MAGI3: variants seen among roughly 807,000 people sequenced by gnomAD.
MAGI3 encodes membrane-associated guanylate kinase, WW and PDZ domain-containing protein 3.
Under a neutral mutation model 121.8 loss-of-function variants are expected in MAGI3, and 43 were observed. The ratio of observed to expected loss-of-function variants is 0.35; its 90% CI spans 0.28 to 0.46. The LOEUF (loss-of-function observed/expected upper bound fraction) is 0.46. MAGI3 is among the 20% of genes least tolerant of loss of function. MAGI3 has a pLI of 1.00. For synonymous variants in MAGI3, 553 were observed against 639.3 expected (o/e 0.86, Z 2.04); for missense variants, 1,547 against 1,797.3 (o/e 0.86, Z 2.52).
Position 113,622,811 on chromosome 1 carries a change from G to GA in MAGI3, c.1182dup (p.Ser395IlefsTer11), listed in dbSNP as rs1339418260. ...CACTTCTCATTTTGGCACAGATATG[G>GA]AAAAATCACACTTCACAAGAGATCC... On this transcript the variant is annotated frameshift_variant, in exon 9 of 21. Transcript: ENST00000307546. LOFTEE classifies it high-confidence loss of function. The GA allele has an allele frequency of 6.4e-7, 1 of 1,570,642 alleles. No homozygotes were observed. The highest frequency in any genetic ancestry group is 2.0e-5 in the Admixed American group (1 of 48,926).
At chr1:113,608,211 AAGAGGGAAAGAGGGAAG>A (rs1315913507) in intron 6 of MAGI3, among the ~76,000 whole-genome samples, 2 of 152,184 alleles carry the variant, frequency 1.3e-5, no homozygotes, top group Non-Finnish European at 2.9e-5. Flanking sequence ...AATGTTTGAA[AAGAGGGAAAGAGGGAAG>A]AGAGGGAGGG....
chr1:113,457,457 G>A (rs761385281), intron 1 of MAGI3, among the ~76,000 whole-genome samples: 5 of 152,100 alleles, frequency 3.3e-5, no homozygotes, highest in African/African-American at 4.8e-5. Context: ...TGTCTTATTC[G>A]ATAAGAAATA....
intron 1 of MAGI3, among the ~76,000 whole-genome samples, chr1:113,504,477 T>A (rs1471521017): frequency 6.6e-6 from 1 of 152,066 alleles, no homozygotes; most frequent in Non-Finnish European, 1.5e-5. Flanking sequence ...TTATTAACTG[T>A]TAGTGATATG....
chr1:113,475,386 G>C (rs1473690414), intron 1 of MAGI3, among the ~76,000 whole-genome samples: 3 of 152,130 alleles, frequency 2.0e-5, no homozygotes. Flanking sequence ...GTTATAAATA[G>C]ATCTTATTAT....
intron 1 of MAGI3, among the ~76,000 whole-genome samples, chr1:113,408,121 T>A (rs1488559552): frequency 6.6e-6 from 1 of 152,132 alleles, no homozygotes; most frequent in Non-Finnish European, 1.5e-5. Flanking sequence ...CCAGATACCA[T>A]AAAAGAGAAT....
intron 16 of MAGI3, among the ~76,000 whole-genome samples, chr1:113,665,684 C>T (rs1404953968): frequency 1.3e-5 from 2 of 152,042 alleles, no homozygotes; most frequent in East Asian, 1.9e-4. Context: ...TTATTCAGCT[C>T]ATCTTTTATG....
Position 113,649,367 on chromosome 1 carries a change from C to A in MAGI3, c.2247+39C>A, listed in dbSNP as rs1390669846. The A allele has an allele frequency of 2.7e-6, 4 of 1,461,624 alleles. No individual in the cohort carries two copies. The South Asian group carries it at 3.8e-5, about 14-fold the overall frequency. The allele number at this position is 1,461,624 out of a possible 1,614,324, so 90.5% of individuals were successfully genotyped here. ...CTTTGGAACATGGCTGTTTCCTGTT[C>A]AAACGTTTTGAGTGGTGATTTGGTG... On this transcript the variant is annotated intron_variant, in intron 13 of 20. Transcript: ENST00000307546.
At chr1:113,421,860 ATT>A (rs530093400) in intron 1 of MAGI3, among the ~76,000 whole-genome samples, 1 of 140,802 alleles carries the variant, frequency 7.1e-6, no homozygotes. Flanking sequence ...AACCACCTTG[ATT>A]TTTTTTTTTT....
intron 2 of MAGI3, among the ~76,000 whole-genome samples, chr1:113,568,633 G>A (rs1029404447): frequency 2.0e-5 from 3 of 152,080 alleles, no homozygotes; most frequent in Non-Finnish European, 2.9e-5. Flanking sequence ...AAGCCTAGTA[G>A]TAAACACCCA....
chr1:113,426,936 A>C (rs554104848), intron 1 of MAGI3, among the ~76,000 whole-genome samples: 22 of 151,858 alleles, frequency 1.4e-4, no homozygotes, highest in East Asian at 3.9e-4. Context: ...TACTCTCTCT[A>C]TATATATCTG....
chr1:113,683,124 C>T lies in MAGI3; in HGVS notation c.3556C>T (p.Leu1186Phe). ...ENQPEIKHQS[L>F]LQKNVSKRDP... ...TCAGCCTGAGATAAAGCATCAGTCT[C>T]TTCTCCAGAAAAATGTGAGTAAGAG... The change falls in exon 21 of 21, where the codon CTT becomes TTT. Residue 1186 changes from leucine (L) to phenylalanine (F), a missense_variant. By Grantham distance (22) the Leu-to-Phe change is conservative (BLOSUM62 0). Coordinates refer to ENST00000307546, the MANE Select transcript of MAGI3 (RefSeq NM_001142782.2). The T allele has an allele frequency of 1.2e-6, 2 of 1,613,214 alleles. No individual in the cohort carries two copies. Among genetic ancestry groups the T allele is most frequent in the East Asian group, 2.2e-5 (1 of 44,876 alleles).
chr1:113,649,127 G>C (rs963490605), intron 12 of MAGI3, 110 bp from the exon 13 acceptor site: 1 of 718,964 alleles, frequency 1.4e-6, no homozygotes, highest in Non-Finnish European at 2.1e-6. Context: ...AAAGTTCTGA[G>C]ATTATAGTTT....
chr1:113,401,024 A>G (rs1392552834), intron 1 of MAGI3, among the ~76,000 whole-genome samples: 1 of 152,170 alleles, frequency 6.6e-6, no homozygotes, highest in African/African-American at 2.4e-5. Flanking sequence ...TATTTGGTTT[A>G]TAAGGATGTA....
At chr1:113,460,339 A>G (rs1055707946) in intron 1 of MAGI3, among the ~76,000 whole-genome samples, 1 of 152,198 alleles carries the variant, frequency 6.6e-6, no homozygotes, top group Non-Finnish European at 1.5e-5. Flanking sequence ...AAAGCTGGAA[A>G]CATTACCCTT....
At chr1:113,466,502 A>C (rs1655293809) in intron 1 of MAGI3, among the ~76,000 whole-genome samples, 1 of 152,050 alleles carries the variant, frequency 6.6e-6, no homozygotes, top group Non-Finnish European at 1.5e-5. Flanking sequence ...TGGCCTCATA[A>C]AAGGAGTTTG....
chr1:113,622,744 T>A (rs769048835), intron 8 of MAGI3, 62 bp from the exon 9 acceptor site: 4 of 1,296,838 alleles, frequency 3.1e-6, no homozygotes, highest in Non-Finnish European at 4.2e-6. Flanking sequence ...AAAGATTGAC[T>A]CTGAGTGCTA....
chr1:113,638,334 C>T (rs987448879), intron 9 of MAGI3, among the ~76,000 whole-genome samples: 1 of 152,202 alleles, frequency 6.6e-6, no homozygotes, highest in African/African-American at 2.4e-5. Flanking sequence ...AGTTTTTCTG[C>T]TCTGTTCTTT....
rs1187944855 is a variant in MAGI3 at position 113,422,594 on chromosome 1, C to T, written c.316+31245C>T. On this transcript the variant is annotated intron_variant, in intron 1 of 20. Coordinates refer to ENST00000307546, the MANE Select transcript of MAGI3 (RefSeq NM_001142782.2). The surrounding 1 kb of genome is among the most constrained non-coding windows in gnomAD (Gnocchi z 4.3). ...GGCAGGGTGGCGGGGCAGGCAGCTC[C>T]CGGCGCTGGCACAGGCGCCTGCTCC... Among the ~76,000 whole-genome samples the T allele has an allele frequency of 1.3e-5, 2 of 152,212 alleles. No individual in the cohort carries two copies. Among genetic ancestry groups the T allele is most frequent in the Non-Finnish European group, 2.9e-5 (2 of 68,032 alleles).
In MAGI3 at chr1:113,575,294, T is replaced by G. The variant is rs140870559; in HGVS notation, c.434-5248T>G. ...TTCTGGTTTTTGGAATTTTCAGCAT[T>G]TTTGTACTGGTTTTTCCTCATCTTT... On this transcript the variant is annotated intron_variant, in intron 2 of 20. Coordinates refer to ENST00000307546, the MANE Select transcript of MAGI3 (RefSeq NM_001142782.2). Among the ~76,000 whole-genome samples, 154 of 152,296 alleles carry G rather than the reference T, an allele frequency of 1.0e-3. 1 individual carries two copies. Among genetic ancestry groups the G allele is most frequent in the Admixed American group, 1.8e-3 (27 of 15,298 alleles).
Sources: allele counts gnomAD v4.1 joint callset (sites outside exome capture counted in the v4.1 genomes callset), GRCh38; gene constraint gnomAD v4.1.1; non-coding constraint Gnocchi (gnomAD v3.1); transcripts MANE v1.5; gene names NCBI Gene and HGNC (gene_info 2026-07-23, HGNC 2026-07-21).